RAD17: variants seen among roughly 807,000 people sequenced by gnomAD.
RAD17 encodes cell cycle checkpoint protein RAD17.
A neutral mutation model predicts 81.5 loss-of-function variants in RAD17; 31 were observed. That is an observed-to-expected ratio of 0.38 (90% confidence interval 0.29 to 0.51). RAD17 has a LOEUF of 0.51. Among genes scored for constraint, RAD17 ranks in the 20% least tolerant of loss-of-function variants. The pLI, the probability that RAD17 is intolerant of heterozygous loss-of-function variation, is 0.88. For missense variants in RAD17, 681 were observed against 781.2 expected (o/e 0.87, Z 1.53); for synonymous variants, 261 against 266.2 (o/e 0.98, Z 0.19).
chr5:69,414,158 C>A lies in RAD17; in HGVS notation c.1879C>A (p.Pro627Thr). 5.0e-6 allele frequency: 8 copies of A among 1,614,226 alleles called. No homozygotes were observed. Among genetic ancestry groups the A allele is most frequent in the Non-Finnish European group, 6.8e-6 (8 of 1,180,048 alleles). Residue 627 changes from proline to threonine, a missense_variant, in exon 19 of 19, where the codon CCG becomes ACG. Transcript: ENST00000354868. Reference protein sequence around the residue: ...SLGEPTQATVPETWSLPLSQN... With the variant: ...SLGEPTQATVTETWSLPLSQN... ...GGGTGAACCCACTCAAGCCACTGTGCCGGAAACCTGGTCTCTTCCTTTGAG... is the reference window on the plus strand; with the variant it reads ...GGGTGAACCCACTCAAGCCACTGTGACGGAAACCTGGTCTCTTCCTTTGAG...
intron 17 of RAD17, among the ~76,000 whole-genome samples, 165 bp from the exon 18 acceptor site, chr5:69,410,327 GT>G (rs1029147742): frequency 1.3e-5 from 2 of 152,038 alleles, no homozygotes; most frequent in Admixed American, 1.3e-4. Flanking sequence ...TTGTTTTCTG[GT>G]TTTTTGTAAC....
At chr5:69,382,474 G>A (rs557230114) in intron 7 of RAD17, among the ~76,000 whole-genome samples, 1 of 152,258 alleles carries the variant, frequency 6.6e-6, no homozygotes, top group African/African-American at 2.4e-5. Flanking sequence ...GTTATTTCAG[G>A]AGAAGGAAAG....
At position 69,369,834 on chromosome 5, in the gene RAD17, C is replaced by G; in HGVS notation, c.-516C>G. The G allele has an allele frequency of 1.1e-6, 1 of 921,266 alleles. No individual in the cohort carries two copies. Among genetic ancestry groups the G allele is most frequent in the South Asian group, 1.6e-5 (1 of 62,124 alleles). The allele number at this position is 921,266 out of a possible 1,614,324, so 57.1% of individuals were successfully genotyped here. A position where few individuals can be genotyped will look rare whatever the true frequency, so the allele number is the denominator to read the frequency against. On this transcript the variant is annotated 5_prime_UTR_variant, in exon 1 of 19. Coordinates refer to ENST00000354868, the MANE Select transcript of RAD17 (RefSeq NM_133338.3). The stretch of plus-strand genomic sequence containing the variant: ...CGGGAGGCCGTACCTCCGAGAGGCT[C>G]GGCGTTGAGCCCGGGTAGGGCCAGG...
intron 6 of RAD17, among the ~76,000 whole-genome samples, chr5:69,376,342 T>C (rs1439933463): frequency 1.3e-5 from 2 of 152,252 alleles, no homozygotes; most frequent in Admixed American, 6.5e-5. Flanking sequence ...GACTTTCTTA[T>C]AGTTCTGTTA....
intron 18 of RAD17, among the ~76,000 whole-genome samples, chr5:69,412,066 C>T (rs1479161688): frequency 1.3e-5 from 2 of 152,140 alleles, no homozygotes; most frequent in African/African-American, 2.4e-5. Flanking sequence ...ACACCATTCT[C>T]CTGCCTCAGC....
At chr5:69,369,683 G>A (rs1306615007), upstream of RAD17, 10 of 1,554,318 alleles carry the variant, frequency 6.4e-6, no homozygotes, top group Middle Eastern at 1.7e-4. Context: ...CATTTCCGTC[G>A]CAAAGTTGGA....
At chr5:69,396,940 C>T (rs1001592143) in intron 16 of RAD17, among the ~76,000 whole-genome samples, 9 of 152,148 alleles carry the variant, frequency 5.9e-5, no homozygotes, top group South Asian at 2.1e-4. Flanking sequence ...TCAAGCAGTT[C>T]TCCTGCCTCA....
intron 18 of RAD17, among the ~76,000 whole-genome samples, chr5:69,412,395 A>G (rs1294139029): frequency 6.6e-6 from 1 of 152,034 alleles, no homozygotes; most frequent in Non-Finnish European, 1.5e-5. Flanking sequence ...TAGGTGTTTA[A>G]TTTCCTGTAA....
chr5:69,382,056 T>G lies in RAD17; in HGVS notation c.507T>G (p.Thr169=). 2 of 1,611,006 alleles carry G rather than the reference T, an allele frequency of 1.2e-6. No individual in the cohort carries two copies. Among genetic ancestry groups the G allele is most frequent in the East Asian group, 2.2e-5 (1 of 44,854 alleles). ...ATGATTTCAAGGGGATGTTTAATAC[T>G]GGTAAGATTTGCTGTGAAGGTAGTA... ...QKDDFKGMFN[T]ESSFHMFPYQ... is the part of the protein sequence containing the mutation. Residue 169 remains threonine, a splice_region_variant and synonymous_variant, in exon 7 of 19, where the codon ACT becomes ACG. Coordinates refer to ENST00000354868, the MANE Select transcript of RAD17 (RefSeq NM_133338.3).
rs17839413 is a variant in RAD17, at chr5:69,369,887, C to T, written c.-463C>T. On this transcript the variant is annotated 5_prime_UTR_variant, in exon 1 of 19. Transcript: ENST00000354868. ...GCTGCCCTTTCACCTAGGGTAGTCC[C>T]TGGTCGCCTCCGCTCTTCGCCTAAA... The T allele has an allele frequency of 1.0e-4, 62 of 605,384 alleles. No homozygotes were observed. The East Asian group carries it at 1.3e-3, about 13-fold the overall frequency. The allele number at this position is 605,384 out of a possible 1,614,324, so 37.5% of individuals were successfully genotyped here.
At chr5:69,399,951 C>CA (rs1765154606) in intron 16 of RAD17, 98 bp from the exon 17 acceptor site, 1 of 745,628 alleles carries the variant, frequency 1.3e-6, no homozygotes, top group Non-Finnish European at 2.0e-6. Flanking sequence ...TTAATATAAA[C>CA]TTATTGTGTA....
chr5:69,414,229 T>C lies in RAD17; in HGVS notation c.1950T>C (p.Phe650=). The C allele has an allele frequency of 6.2e-7, 1 of 1,614,190 alleles. No homozygotes were observed. The highest frequency in any genetic ancestry group is 8.5e-7 in the Non-Finnish European group (1 of 1,180,020). Residue 650 remains phenylalanine, a synonymous_variant, in exon 19 of 19, where the codon TTT becomes TTC. Transcript: ENST00000354868. ...TGCCTGCTAGCCAGCCCCAGCCCTT[T>C]TCAGCCCAAGGAGACATGGAAGAAA... ...SELPASQPQP[F]SAQGDMEENI... is the part of the protein sequence containing the mutation.
chr5:69,401,585 T>C (rs1326171353), intron 17 of RAD17, among the ~76,000 whole-genome samples: 4 of 152,162 alleles, frequency 2.6e-5, no homozygotes, highest in Admixed American at 6.6e-5. Context: ...GTTTTGAAAA[T>C]GTTATGCATT....
intron 3 of RAD17, 102 bp downstream of exon 3, chr5:69,371,659 C>A: frequency 7.3e-6 from 4 of 548,906 alleles, no homozygotes; most frequent in East Asian, 3.9e-5. Flanking sequence ...GTAATAGAGC[C>A]GAGTATCTAT....
rs1413743137 is a variant in RAD17, at chr5:69,386,314, G to A, written c.824+9G>A. 6.3e-7 allele frequency: 1 copy of A among 1,589,334 alleles called. No individual in the cohort carries two copies. Among genetic ancestry groups the A allele is most frequent in the Admixed American group, 1.8e-5 (1 of 55,682 alleles). On this transcript the variant is annotated intron_variant, in intron 10 of 18. Coordinates refer to ENST00000354868, the MANE Select transcript of RAD17 (RefSeq NM_133338.3). ...TCTATCTCAAATATTAGGTAAGAAA[G>A]AAATTTCTGCTTATAAAGGTCACAT... is the stretch of plus-strand genomic sequence containing the variant.
chr5:69,372,105 T>C lies in RAD17; in HGVS notation c.-104T>C. On this transcript the variant is annotated 5_prime_UTR_variant, in exon 4 of 19. Coordinates refer to ENST00000354868, the MANE Select transcript of RAD17 (RefSeq NM_133338.3). ...TAAATAATTTGCAAATCAGAATTGC[T>C]GTCGAAAGTTTTACTATAATGAAAG... is the stretch of plus-strand genomic sequence containing the variant. 6.9e-7 allele frequency: 1 copy of C among 1,457,416 alleles called. No homozygotes were observed. The highest frequency in any genetic ancestry group is 9.3e-7 in the Non-Finnish European group (1 of 1,079,658). The allele number at this position is 1,457,416 out of a possible 1,614,324, so 90.3% of individuals were successfully genotyped here. A position where few individuals can be genotyped will look rare whatever the true frequency, so the allele number is the denominator to read the frequency against.
At chr5:69,377,487 A>ATG (rs1763455679) in intron 6 of RAD17, among the ~76,000 whole-genome samples, 5 of 44,122 alleles carry the variant, frequency 1.1e-4, no homozygotes, top group East Asian at 7.6e-4. Flanking sequence ...ACACACACAC[A>ATG]TATATATACG....
chr5:69,387,082 G>A (rs1344113829), intron 11 of RAD17, among the ~76,000 whole-genome samples: 4 of 151,694 alleles, frequency 2.6e-5, no homozygotes, highest in South Asian at 2.1e-4. Context: ...GTACCACCAC[G>A]CCTGGCTAAT....
At position 69,371,164 on chromosome 5, in the gene RAD17, G is replaced by T. The variant is rs1426877032; in HGVS notation, c.-287G>T. 2.0e-6 allele frequency: 1 copy of T among 494,994 alleles called. No individual in the cohort carries two copies. Among genetic ancestry groups the T allele is most frequent in the South Asian group, 1.6e-5 (1 of 63,326 alleles). The allele number at this position is 494,994 out of a possible 1,614,324, so 30.7% of individuals were successfully genotyped here. On this transcript the variant is annotated 5_prime_UTR_variant, in exon 2 of 19. The change abolishes an upstream ATG in the 5' untranslated region. Coordinates refer to ENST00000354868, the MANE Select transcript of RAD17 (RefSeq NM_133338.3). ...TCAAATAGAATTGCCTGATTTTAAT[G>T]ACAAAAGGTAAGTACATAGTATGTG...
Sources: allele counts gnomAD v4.1 joint callset (sites outside exome capture counted in the v4.1 genomes callset), GRCh38; gene constraint gnomAD v4.1.1; transcripts MANE v1.5; gene names NCBI Gene and HGNC (gene_info 2026-07-23, HGNC 2026-07-21).